Variants in CPAP observed in about 807,000 individuals in gnomAD.
CPAP encodes centrosome assembly and centriole elongation protein.
chr13:24,884,430 T>A, the CPAP span: 4 of 1,614,136 alleles, frequency 2.5e-6, no homozygotes, highest in African/African-American at 5.3e-5. Context: ...GGAAACAGTA[T>A]AACACGGCAC....
the CPAP span, among the ~76,000 whole-genome samples, chr13:24,921,140 T>C: frequency 1.3e-5 from 2 of 152,198 alleles, no homozygotes; most frequent in South Asian, 2.1e-4. Flanking sequence ...TGGAATTCTC[T>C]ATAAGTCAGT....
At chr13:24,924,198 A>G in the CPAP span, among the ~76,000 whole-genome samples, 2 of 152,184 alleles carry the variant, frequency 1.3e-5, no homozygotes, top group South Asian at 4.1e-4. Context: ...GAGATCACAC[A>G]GCTACTTAAG....
chr13:24,927,168 T>A, the CPAP span, among the ~76,000 whole-genome samples: 1 of 152,156 alleles, frequency 6.6e-6, no homozygotes. Context: ...CCATCCCTGT[T>A]CATCTTTGGG....
At chr13:24,887,782 T>C in the CPAP span, among the ~76,000 whole-genome samples, 1 of 152,232 alleles carries the variant, frequency 6.6e-6, no homozygotes, top group Admixed American at 6.5e-5. Context: ...AATTGGTCCC[T>C]GATGCCAAAA....
At chr13:24,890,698 T>A in the CPAP span, among the ~76,000 whole-genome samples, 2 of 152,206 alleles carry the variant, frequency 1.3e-5, no homozygotes, top group East Asian at 3.8e-4. Flanking sequence ...TCTGCTTTTG[T>A]TCACAGAGAT....
the CPAP span, chr13:24,892,516 A>T: frequency 1.3e-6 from 1 of 751,660 alleles, no homozygotes; most frequent in African/African-American, 1.7e-5. Context: ...GTCCACATTC[A>T]CAGTCACTCC....
the CPAP span, among the ~76,000 whole-genome samples, chr13:24,929,901 ATTTTTTTT>A: frequency 5.2e-4 from 52 of 100,928 alleles, no homozygotes; most frequent in Admixed American, 3.1e-3. Flanking sequence ...TCACTTGTGA[ATTTTTTTT>A]TTTTTTTTTT....
chr13:24,882,986 G>GTGAATTA, the CPAP span: 1 of 604,398 alleles, frequency 1.7e-6, no homozygotes, highest in South Asian at 2.0e-5. Flanking sequence ...AGACAGGGTA[G>GTGAATTA]TGAATTATAA....
chr13:24,882,943 A>G, the CPAP span: 2 of 524,192 alleles, frequency 3.8e-6, no homozygotes, highest in Non-Finnish European at 3.4e-6. Flanking sequence ...CACAATTTCT[A>G]AACAGTCAAA....
chr13:24,897,396 G>C, the CPAP span, among the ~76,000 whole-genome samples: 1 of 152,184 alleles, frequency 6.6e-6, no homozygotes, highest in South Asian at 2.1e-4. Flanking sequence ...GACAGGGATT[G>C]ATTTGTTTTG....
the CPAP span, among the ~76,000 whole-genome samples, chr13:24,908,638 G>C: frequency 4.0e-5 from 6 of 151,694 alleles, no homozygotes; most frequent in African/African-American, 1.2e-4. Context: ...TTCTTCAAAA[G>C]GTTAATGTCA....
the CPAP span, among the ~76,000 whole-genome samples, chr13:24,929,901 A>ATTTTT: frequency 2.0e-5 from 2 of 100,924 alleles, no homozygotes. Context: ...TCACTTGTGA[A>ATTTTT]TTTTTTTTTT....
chr13:24,898,604 T>C, the CPAP span, among the ~76,000 whole-genome samples: 77 of 152,288 alleles, frequency 5.1e-4, 1 homozygote, highest in South Asian at 0.015. Flanking sequence ...CAAAACATAA[T>C]GGTACGTTTC....
At chr13:24,888,978 T>C in the CPAP span, among the ~76,000 whole-genome samples, 2 of 151,928 alleles carry the variant, frequency 1.3e-5, no homozygotes, top group Non-Finnish European at 2.9e-5. Flanking sequence ...TACTTATTGG[T>C]TGAGCATCCT....
the CPAP span, among the ~76,000 whole-genome samples, chr13:24,908,725 T>G: frequency 1.3e-5 from 2 of 152,124 alleles, no homozygotes; most frequent in African/African-American, 4.8e-5. Flanking sequence ...TACATGAACT[T>G]GACTGGATAT....
chr13:24,882,849 G>A, the CPAP span: 1 of 338,376 alleles, frequency 3.0e-6, no homozygotes, highest in Non-Finnish European at 5.6e-6. Flanking sequence ...GGGACATCTA[G>A]GTGATGTACT....
At chr13:24,899,298 T>TGAAA in the CPAP span, 1 of 735,092 alleles carries the variant, frequency 1.4e-6, no homozygotes, top group Non-Finnish European at 2.3e-6. Flanking sequence ...GATTATTTGC[T>TGAAA]GAATGAATGA....
chr13:24,885,102 A>G, the CPAP span, among the ~76,000 whole-genome samples: 1 of 152,234 alleles, frequency 6.6e-6, no homozygotes, highest in African/African-American at 2.4e-5. Flanking sequence ...GCTTTGGAGT[A>G]AGAACAAAGA....
chr13:24,889,248 A>C, the CPAP span: 2 of 1,027,800 alleles, frequency 1.9e-6, no homozygotes, highest in Non-Finnish European at 3.1e-6. Flanking sequence ...TGTTTTATTA[A>C]GTTGGGTATA....
Sources: gnomAD v4.1 joint callset for allele counts (sites outside exome capture counted in the v4.1 genomes callset) on GRCh38, gnomAD v4.1.1 for gene constraint, MANE v1.5 for transcripts, NCBI Gene and HGNC (gene_info 2026-07-23, HGNC 2026-07-21) for gene names.